The following MYL2 variants were observed in gnomAD, a reference collection of about 807,000 sequenced individuals.
MYL2 encodes the protein myosin light chain 2, also known as myosin regulatory light chain 2, ventricular/cardiac muscle isoform.
Under a neutral mutation model 23.0 loss-of-function variants are expected in MYL2, and 19 were observed. The observed-to-expected ratio is 0.83, with a 90% CI of 0.58 to 1.21. The LOEUF (loss-of-function observed/expected upper bound fraction) is 1.21, where lower values mean the gene tolerates loss of function less well. Ranked by LOEUF, MYL2 falls within the 50% of genes most tolerant of loss-of-function variation. MYL2 has a pLI of 0.00. For synonymous variants in MYL2, 78 were observed against 76.2 expected (o/e 1.02, Z -0.13); for missense variants, 180 against 215.1 (o/e 0.84, Z 1.02).
chr12:110,917,487 T>C (rs1229069552), intron 2 of MYL2, among the ~76,000 whole-genome samples: 4 of 141,796 alleles, frequency 2.8e-5, no homozygotes, highest in Non-Finnish European at 6.1e-5. Flanking sequence ...TCCCATTTAC[T>C]CAGACAAACA....
Position 110,911,185 on chromosome 12 carries a change from G to T in MYL2, c.403-10C>A. On this transcript the variant is annotated splice_polypyrimidine_tract_variant and intron_variant, in intron 6 of 6. Transcript: ENST00000228841. ...CGAACATCTGGTCAACCTGCAATGA[G>T]CCAGCAACACGTGCTAAGGACGAGG... The T allele has an allele frequency of 7.1e-7, 1 of 1,404,130 alleles. No individual in the cohort carries two copies. Among genetic ancestry groups the T allele is most frequent in the Non-Finnish European group, 9.6e-7 (1 of 1,046,778 alleles). 87.0% of individuals were successfully genotyped at this position (1,404,130 alleles called of 1,614,324 possible). A position where few individuals can be genotyped will look rare whatever the true frequency, so the allele number is the denominator to read the frequency against.
chr12:110,920,871 A>G (rs1168849260), upstream of MYL2: 5 of 478,158 alleles, frequency 1.0e-5, no homozygotes, highest in East Asian at 3.7e-5. Flanking sequence ...GAGAAAAAAA[A>G]TGGCAGGGAG....
rs1566147422 is a variant in MYL2 at position 110,911,145 on chromosome 12, CAG to C, written c.431_432del (p.Pro144ArgfsTer57). 3 of 1,612,394 alleles carry C rather than the reference CAG, an allele frequency of 1.9e-6. No homozygotes were observed. The highest frequency in any genetic ancestry group is 2.2e-5 in the East Asian group (1 of 44,750). On this transcript the variant is annotated frameshift_variant, in exon 7 of 7. Coordinates refer to ENST00000228841, the MANE Select transcript of MYL2 (RefSeq NM_000432.4). LOFTEE classifies it high-confidence loss of function. ...TTGTAGTCCAAGTTGCCAGTCACGT[CAG>C]GGGGGAAGGCGGCGAACATCTGGTC... Reference protein sequence around the residue: ...EVDQMFAAFPPDVTGNLDYKN... With the variant: ...EVDQMFAAFPXDVTGNLDYKN...
At chr12:110,920,475 T>C in intron 1 of MYL2, 52 bp downstream of exon 1, 2 of 1,613,846 alleles carry the variant, frequency 1.2e-6, no homozygotes, top group Non-Finnish European at 1.7e-6. Context: ...TTGTAGTGGC[T>C]TCCTCTCCTC....
chr12:110,915,566 C>T, intron 3 of MYL2, 149 bp downstream of exon 3: 1 of 792,812 alleles, frequency 1.3e-6, no homozygotes, highest in Non-Finnish European at 2.3e-6. Context: ...TCTTTCCCAT[C>T]CCCTGAAATT....
chr12:110,919,714 T>G (rs1277610038), intron 1 of MYL2, among the ~76,000 whole-genome samples: 1 of 152,048 alleles, frequency 6.6e-6, no homozygotes, highest in Non-Finnish European at 1.5e-5. Flanking sequence ...CAAAACCTCC[T>G]CTCTGAATGC....
rs981642367 is a variant in MYL2, at chr12:110,918,939, T to C, written c.93+165A>G. ...TGATAATCAGTGAAAATATTAAAAA[T>C]AGTTTCTTTTAAAAATTCACACATC... On this transcript the variant is annotated intron_variant, in intron 2 of 6. Transcript: ENST00000228841. The surrounding 1 kb of genome is among the most constrained non-coding windows in gnomAD (Gnocchi z 4.4). 1.1e-5 allele frequency: 7 copies of C among 638,440 alleles called. No homozygotes were observed. Among genetic ancestry groups the C allele is most frequent in the South Asian group, 9.6e-5 (5 of 52,234 alleles). 39.5% of individuals were successfully genotyped at this position (638,440 alleles called of 1,614,324 possible).
intron 4 of MYL2, 65 bp from the exon 5 acceptor site, chr12:110,913,389 C>T (rs762143409): frequency 7.0e-6 from 11 of 1,561,984 alleles, no homozygotes; most frequent in African/African-American, 1.4e-5. Flanking sequence ...CCCCAGGCAG[C>T]AGGGCCCAAG....
Position 110,913,123 on chromosome 12 carries a change from C to G in MYL2, c.375G>C (p.Thr125=), listed in dbSNP as rs190020833. Residue 125 remains threonine, a synonymous_variant, in exon 6 of 7, where the codon ACG becomes ACC. Coordinates refer to ENST00000228841, the MANE Select transcript of MYL2 (RefSeq NM_000432.4). ...KADYVREMLT[T]QAERFSKEEV... ...CCTCCTTGGAAAACCTCTCCGCCTGCGTGGTCAGCATTTCCCGAACGCTGC... is the reference window on the plus strand; with the variant it reads ...CCTCCTTGGAAAACCTCTCCGCCTGGGTGGTCAGCATTTCCCGAACGCTGC... 6.2e-7 allele frequency: 1 copy of G among 1,614,190 alleles called. No homozygotes were observed. The highest frequency in any genetic ancestry group is 1.3e-5 in the African/African-American group (1 of 75,034).
At chr12:110,916,729 T>C (rs2071689914) in intron 2 of MYL2, among the ~76,000 whole-genome samples, 1 of 152,216 alleles carries the variant, frequency 6.6e-6, no homozygotes, top group Non-Finnish European at 1.5e-5. Context: ...GGAAATATTC[T>C]GAAATTAGAT....
In MYL2 at chr12:110,915,724, C is replaced by G. The variant is rs1171745073; in HGVS notation, c.160G>C (p.Ala54Pro). The change falls in exon 3 of 7, where the codon GCT becomes CCT. Residue 54 changes from alanine (A) to proline (P), a missense_variant. Transcript: ENST00000228841. ...AGAGAGGGTGACATACCAAGGGCAGCAAAGGTGTCTCTCAGATCGTTCTTG... is the reference window on the plus strand; with the variant it reads ...AGAGAGGGTGACATACCAAGGGCAGGAAAGGTGTCTCTCAGATCGTTCTTG... ...IDKNDLRDTF[A>P]ALGRVNVKNE... is the part of the protein sequence containing the mutation. 6.2e-7 allele frequency: 1 copy of G among 1,614,122 alleles called. No individual in the cohort carries two copies. The highest frequency in any genetic ancestry group is 1.1e-5 in the South Asian group (1 of 91,082).
intron 6 of MYL2, 71 bp downstream of exon 6, chr12:110,913,025 G>A: frequency 6.5e-7 from 1 of 1,542,206 alleles, no homozygotes; most frequent in East Asian, 2.2e-5. Flanking sequence ...TTAGACGAGA[G>A]GGGAGACGGA....
At chr12:110,919,229 G>C (rs770204363) in intron 1 of MYL2, 36 bp from the exon 2 acceptor site, 2 of 1,589,450 alleles carry the variant, frequency 1.3e-6, no homozygotes, top group Admixed American at 1.7e-5. Context: ...AGAGTGAGAG[G>C]CTGGGAGTCA....
intron 6 of MYL2, 43 bp downstream of exon 6, chr12:110,913,053 C>A: frequency 3.1e-6 from 5 of 1,612,310 alleles, no homozygotes; most frequent in Non-Finnish European, 4.2e-6. Context: ...AGAAGGAGAA[C>A]CCAGGAGCTG....
rs193922452 is a variant in MYL2, at chr12:110,911,067, G to A, written c.*10C>T. ...AAAGACGAGCCCAGGGCGCAGCAGC[G>A]AGCCCCCTCCTAGTCCTTCTCTTCT... On this transcript the variant is annotated 3_prime_UTR_variant, in exon 7 of 7. Coordinates refer to ENST00000228841, the MANE Select transcript of MYL2 (RefSeq NM_000432.4). 126 of 1,612,080 alleles carry A rather than the reference G, an allele frequency of 7.8e-5. No homozygotes were observed. The highest frequency in any genetic ancestry group is 2.3e-4 in the Admixed American group (14 of 60,018).
intron 6 of MYL2, 144 bp from the exon 7 acceptor site, chr12:110,911,319 A>G (rs2071651714): frequency 1.5e-6 from 1 of 665,814 alleles, no homozygotes; most frequent in Admixed American, 2.2e-5. Flanking sequence ...CCTCCGGGGA[A>G]GGACTTCCCC....
upstream of MYL2, chr12:110,920,796 A>T: frequency 1.7e-6 from 1 of 591,392 alleles, no homozygotes; most frequent in Non-Finnish European, 3.0e-6. Context: ...GGTCATGGTC[A>T]CGGGGAGAGA....
At position 110,918,685 on chromosome 12, in the gene MYL2, TA is replaced by T. The variant is rs2071701195; in HGVS notation, c.93+418del. 1 of 168,802 alleles carries T rather than the reference TA, an allele frequency of 5.9e-6. No individual in the cohort carries two copies. Among genetic ancestry groups the T allele is most frequent in the Admixed American group, 5.8e-5 (1 of 17,194 alleles). 10.5% of individuals were successfully genotyped at this position (168,802 alleles called of 1,614,324 possible). A position where few individuals can be genotyped will look rare whatever the true frequency, so the allele number is the denominator to read the frequency against. Reference sequence around the variant, plus strand: ...GGTTTAAATACATGATAGGAAATGTTAATGGTGAATTTCTCAACGAAAAAAA... The same window carrying T: ...GGTTTAAATACATGATAGGAAATGTTATGGTGAATTTCTCAACGAAAAAAA... On this transcript the variant is annotated intron_variant, in intron 2 of 6. Coordinates refer to ENST00000228841, the MANE Select transcript of MYL2 (RefSeq NM_000432.4). The surrounding 1 kb of genome is among the most constrained non-coding windows in gnomAD (Gnocchi z 4.4).
upstream of MYL2, chr12:110,920,601 A>G (rs941432618): frequency 4.3e-5 from 70 of 1,609,298 alleles, 1 homozygote; most frequent in Non-Finnish European, 5.6e-5. Context: ...GCCCAGGAAC[A>G]ATAAATACTT....
Sources: allele counts gnomAD v4.1 joint callset (sites outside exome capture counted in the v4.1 genomes callset), GRCh38; gene constraint gnomAD v4.1.1; non-coding constraint Gnocchi (gnomAD v3.1); transcripts MANE v1.5; gene names NCBI Gene and HGNC (gene_info 2026-07-23, HGNC 2026-07-21).